PTPN4: variants seen among roughly 807,000 people sequenced by gnomAD.
PTPN4 encodes tyrosine-protein phosphatase non-receptor type 4.
Under a neutral mutation model 135.5 loss-of-function variants are expected in PTPN4, and 49 were observed. The ratio of observed to expected loss-of-function variants is 0.36; its 90% CI spans 0.29 to 0.46. PTPN4 has a LOEUF of 0.46. PTPN4 is among the 20% of genes least tolerant of loss of function. The pLI is 1.00. For synonymous variants in PTPN4, 333 were observed against 369.9 expected, an observed-to-expected ratio of 0.90 and a Z score of 1.14; for missense variants, 860 against 1,101.0, an observed-to-expected ratio of 0.78 and a Z score of 3.10.
At chr2:119,770,221 G>T (rs1194595191) in intron 1 of PTPN4, among the ~76,000 whole-genome samples, 2 of 152,220 alleles carry the variant, frequency 1.3e-5, no homozygotes, top group Non-Finnish European at 2.9e-5. Context: ...TTGAAATCTA[G>T]TGTATAGCTA....
At chr2:119,953,447 G>C (rs2105053237) in intron 19 of PTPN4, among the ~76,000 whole-genome samples, 1 of 152,024 alleles carries the variant, frequency 6.6e-6, no homozygotes, top group East Asian at 1.9e-4. Flanking sequence ...TCCATTAATG[G>C]TCTAGAATTG....
Position 119,827,665 on chromosome 2 carries a change from C to A in PTPN4, c.138+17674C>A, listed in dbSNP as rs190251828. Among the ~76,000 whole-genome samples, 3 of 152,346 alleles carry A rather than the reference C, an allele frequency of 2.0e-5. No homozygotes were observed. In the East Asian group the frequency reaches 5.8e-4, roughly 29 times the overall value. On this transcript the variant is annotated intron_variant, in intron 2 of 26. Transcript: ENST00000263708. ...AGATAATAGAATATTACCAGTACTT[C>A]AGATGCGTCCGTTGTGCTTCCTTAC... is the stretch of plus-strand genomic sequence containing the variant.
intron 26 of PTPN4, among the ~76,000 whole-genome samples, chr2:119,975,680 G>T (rs927083753): frequency 6.6e-6 from 1 of 152,096 alleles, no homozygotes; most frequent in Non-Finnish European, 1.5e-5. Flanking sequence ...AGTCAAGATT[G>T]CGCCATTGAA....
At position 119,934,861 on chromosome 2, in the gene PTPN4, G is replaced by C. The variant is rs772990927; in HGVS notation, c.1258G>C (p.Val420Leu). 6.2e-7 allele frequency: 1 copy of C among 1,613,722 alleles called. No individual in the cohort carries two copies. Among genetic ancestry groups the C allele is most frequent in the Non-Finnish European group, 8.5e-7 (1 of 1,179,702 alleles). ...RLRPSSVGHLVDHMVHTSPSE... is the reference protein window; with the variant it reads ...RLRPSSVGHLLDHMVHTSPSE... ...ACGACCATCTTCAGTTGGTCATTTG[G>C]TAGACCATATGGTTCATACTTCCCC... The change falls in exon 15 of 27, where the codon GTA (valine) becomes CTA (leucine). Residue 420 changes from valine (V) to leucine (L), a missense_variant. Physicochemically the swap from Val to Leu is conservative, Grantham distance 32. Coordinates refer to ENST00000263708, the MANE Select transcript of PTPN4 (RefSeq NM_002830.4).
chr2:119,780,523 T>C (rs1353251152), intron 1 of PTPN4, among the ~76,000 whole-genome samples: 2 of 152,236 alleles, frequency 1.3e-5, no homozygotes, highest in African/African-American at 4.8e-5. Flanking sequence ...TCCTTTTACA[T>C]CTACTCCTCA....
intron 24 of PTPN4, among the ~76,000 whole-genome samples, chr2:119,963,037 T>C (rs1377745713): frequency 6.6e-6 from 1 of 152,222 alleles, no homozygotes; most frequent in Non-Finnish European, 1.5e-5. Context: ...ACTGTTTAGA[T>C]ATGTTTCATT....
chr2:119,857,211 G>C (rs891348675), intron 2 of PTPN4, among the ~76,000 whole-genome samples: 2 of 151,866 alleles, frequency 1.3e-5, no homozygotes, highest in African/African-American at 4.8e-5. Context: ...CTCCCAAGTA[G>C]CTGCTTTTCA....
At chr2:119,884,358 C>A (rs1678124100) in intron 8 of PTPN4, among the ~76,000 whole-genome samples, 2 of 152,216 alleles carry the variant, frequency 1.3e-5, no homozygotes, top group Admixed American at 6.5e-5. Context: ...TACCCTCATT[C>A]ATTTATATGT....
At chr2:119,785,371 T>C (rs78557804) in intron 1 of PTPN4, among the ~76,000 whole-genome samples, 11,296 of 152,270 alleles carry the variant, frequency 0.074, 553 homozygotes, top group Non-Finnish European at 0.11. Flanking sequence ...CAAGTGATTC[T>C]GATGCACACT....
chr2:119,827,202 A>G (rs994933494), intron 2 of PTPN4, among the ~76,000 whole-genome samples: 1 of 152,178 alleles, frequency 6.6e-6, no homozygotes, highest in Non-Finnish European at 1.5e-5. Context: ...GAAGATACTA[A>G]TCACACAATG....
chr2:119,897,552 TTCATGCTATCCTGTAA>T (rs1447625403), intron 9 of PTPN4, among the ~76,000 whole-genome samples: 2 of 152,232 alleles, frequency 1.3e-5, no homozygotes, highest in Non-Finnish European at 2.9e-5. Context: ...ATTTACTTGC[TTCATGCTATCCTGTAA>T]TTAAAGATAG....
At chr2:119,835,419 G>A (rs775222283) in intron 2 of PTPN4, among the ~76,000 whole-genome samples, 1 of 152,036 alleles carries the variant, frequency 6.6e-6, no homozygotes, top group Non-Finnish European at 1.5e-5. Flanking sequence ...TCCTGACCTC[G>A]TGACCCACCC....
At chr2:119,852,295 C>CG (rs1255222376) in intron 2 of PTPN4, among the ~76,000 whole-genome samples, 2 of 152,186 alleles carry the variant, frequency 1.3e-5, no homozygotes, top group African/African-American at 4.8e-5. Flanking sequence ...TTAGGTTGTG[C>CG]GGTCTGACCC....
In PTPN4 at chr2:119,878,584, G is replaced by A. The variant is rs377219576; in HGVS notation, c.368+1042G>A. ...AATTAGCTGCAGCTGCCAGTTCTAA[G>A]GTGTTTGCAGAGTTTTCAGTAGTAA... On this transcript the variant is annotated intron_variant, in intron 5 of 26. Coordinates refer to ENST00000263708, the MANE Select transcript of PTPN4 (RefSeq NM_002830.4). Among the ~76,000 whole-genome samples, 22 of 152,116 alleles carry A rather than the reference G, an allele frequency of 1.4e-4. No individual in the cohort carries two copies. In the East Asian group the frequency reaches 3.5e-3, roughly 24 times the overall value.
At chr2:119,803,589 C>T (rs1413230950) in intron 1 of PTPN4, among the ~76,000 whole-genome samples, 1 of 152,124 alleles carries the variant, frequency 6.6e-6, no homozygotes, top group African/African-American at 2.4e-5. Flanking sequence ...AGGATATGGT[C>T]TCTCTTGAAA....
intron 9 of PTPN4, among the ~76,000 whole-genome samples, chr2:119,891,191 G>A (rs1314337118): frequency 1.3e-5 from 2 of 152,044 alleles, no homozygotes; most frequent in Non-Finnish European, 2.9e-5. Context: ...ATTTTTGTTT[G>A]ACTGGATTAT....
intron 11 of PTPN4, chr2:119,915,880 T>C (rs1037839000): frequency 2.0e-5 from 3 of 152,060 alleles, no homozygotes; most frequent in Non-Finnish European, 4.4e-5. Context: ...GTGTGTAAAA[T>C]GTATTTGAAA....
intron 11 of PTPN4, among the ~76,000 whole-genome samples, chr2:119,917,771 G>T (rs894971120): frequency 6.6e-6 from 1 of 151,912 alleles, no homozygotes; most frequent in Non-Finnish European, 1.5e-5. Flanking sequence ...CAGTATACAG[G>T]CATACTCTGC....
intron 3 of PTPN4, among the ~76,000 whole-genome samples, chr2:119,867,702 T>G (rs187685603): frequency 6.6e-5 from 10 of 152,302 alleles, no homozygotes; most frequent in African/African-American, 2.4e-4. Flanking sequence ...TGATTTTCAA[T>G]TTTTAAACCA....
Sources: allele counts gnomAD v4.1 joint callset (sites outside exome capture counted in the v4.1 genomes callset), GRCh38; gene constraint gnomAD v4.1.1; transcripts MANE v1.5; gene names NCBI Gene and HGNC (gene_info 2026-07-23, HGNC 2026-07-21).